XPNPEP1: variants seen among roughly 807,000 people sequenced by gnomAD.
XPNPEP1 encodes the protein X-prolyl aminopeptidase 1, also known as xaa-Pro aminopeptidase 1.
XPNPEP1 carries 39 observed loss-of-function variants against 92.4 expected under a neutral mutation model. The observed-to-expected ratio is 0.42, with a 90% confidence interval of 0.33 to 0.55. The LOEUF (loss-of-function observed/expected upper bound fraction) is 0.55. Among genes scored for constraint, XPNPEP1 ranks in the 20% least tolerant of loss-of-function variants. The probability of loss-of-function intolerance (pLI) is 0.08; values close to 1 mark genes in which losing one functional copy is unlikely to be tolerated. For synonymous variants in XPNPEP1, 307 were observed against 299.4 expected (o/e 1.03, Z -0.26); for missense variants, 654 against 856.1 (o/e 0.76, Z 2.95).
At chr10:109,869,481 T>G (rs1255182873) in intron 19 of XPNPEP1, among the ~76,000 whole-genome samples, 1 of 152,142 alleles carries the variant, frequency 6.6e-6, no homozygotes, top group African/African-American at 2.4e-5. Context: ...CTTTACCTAA[T>G]AAAAGTCACC....
rs1250478234 is a variant in XPNPEP1 at position 109,919,134 on chromosome 10, G to A, written c.33-4035C>T. ...AAGCACAGCAACAAAAGAAAAAAGA[G>A]ATACACTGGACTTCATCAGAATTTA... On this transcript the variant is annotated intron_variant, in intron 1 of 20. Coordinates refer to ENST00000502935, the MANE Select transcript of XPNPEP1 (RefSeq NM_020383.4). Among the ~76,000 whole-genome samples the A allele has an allele frequency of 1.3e-5, 2 of 152,162 alleles. 1 individual carries two copies. The highest frequency in any genetic ancestry group is 3.8e-4 in the East Asian group (2 of 5,196).
intron 3 of XPNPEP1, among the ~76,000 whole-genome samples, chr10:109,895,898 AC>A: frequency 1.3e-5 from 2 of 152,226 alleles, no homozygotes; most frequent in South Asian, 4.1e-4. Flanking sequence ...CATGTTAGCA[AC>A]CTCCTTAAAA....
chr10:109,898,633 A>G (rs1469044787), intron 3 of XPNPEP1, among the ~76,000 whole-genome samples: 1 of 152,260 alleles, frequency 6.6e-6, no homozygotes, highest in Non-Finnish European at 1.5e-5. Context: ...ACACCCAATT[A>G]GCCTAATGGC....
intron 1 of XPNPEP1, chr10:109,923,150 T>C (rs2133599963): frequency 1.0e-6 from 1 of 984,684 alleles, no homozygotes; most frequent in Non-Finnish European, 1.2e-6. Flanking sequence ...TCCGCGGGCA[T>C]ACGCGTCCAG....
chr10:109,888,520 G>T lies in XPNPEP1; in HGVS notation c.491C>A (p.Pro164His). 6.2e-7 allele frequency: 1 copy of T among 1,611,054 alleles called. No homozygotes were observed. The highest frequency in any genetic ancestry group is 8.5e-7 in the Non-Finnish European group (1 of 1,178,472). The stretch of plus-strand genomic sequence containing the variant: ...TCACTTACCTGTAGGAATGATCAAG[G>T]GGTCCACACCAACCCTGGATCCTTC... ...LPEGSRVGVD[P>H]LIIPTDYWKK... The change falls in exon 6 of 21, where the codon CCC (proline) becomes CAC (histidine). Residue 164 changes from proline (P) to histidine (H), a missense_variant. Transcript: ENST00000502935.
At chr10:109,890,612 GA>G (rs1848655192) in intron 5 of XPNPEP1, among the ~76,000 whole-genome samples, 1 of 151,824 alleles carries the variant, frequency 6.6e-6, no homozygotes, top group African/African-American at 2.4e-5. Flanking sequence ...GAGAGAGAGA[GA>G]GAGAGAGAGA....
intron 2 of XPNPEP1, among the ~76,000 whole-genome samples, chr10:109,914,085 T>TA (rs11311514): frequency 6.5e-4 from 95 of 145,666 alleles, no homozygotes; most frequent in East Asian, 9.9e-4. Flanking sequence ...TTCAGTCAGC[T>TA]AAAAAAAAAA....
intron 20 of XPNPEP1, among the ~76,000 whole-genome samples, chr10:109,866,835 A>G (rs755175662): frequency 3.9e-5 from 6 of 152,280 alleles, no homozygotes; most frequent in Non-Finnish European, 8.8e-5. Flanking sequence ...TAACTGGCCG[A>G]AAGAATAGTT....
chr10:109,894,821 T>A (rs1185400182), intron 3 of XPNPEP1, among the ~76,000 whole-genome samples: 1 of 152,308 alleles, frequency 6.6e-6, no homozygotes, highest in East Asian at 1.9e-4. Context: ...TCCTAAAGCA[T>A]AAAGAACATT....
chr10:109,917,443 C>T (rs10466193), intron 1 of XPNPEP1, among the ~76,000 whole-genome samples: 83,308 of 151,962 alleles, frequency 0.55, 24,999 homozygotes, highest in East Asian at 0.77. Context: ...ATGTACACCA[C>T]AAAAACTAAA....
intron 3 of XPNPEP1, among the ~76,000 whole-genome samples, chr10:109,904,799 GT>G (rs1849467159): frequency 6.6e-6 from 1 of 152,202 alleles, no homozygotes; most frequent in Admixed American, 6.5e-5. Context: ...GGAATGCTGT[GT>G]ACCATTGGTG....
At chr10:109,905,767 C>G (rs1309955184) in intron 3 of XPNPEP1, among the ~76,000 whole-genome samples, 1 of 152,178 alleles carries the variant, frequency 6.6e-6, no homozygotes, top group Non-Finnish European at 1.5e-5. Flanking sequence ...ACTATTTTCT[C>G]AACTAACAAA....
chr10:109,878,298 C>T (rs1372475578), intron 12 of XPNPEP1: 1 of 465,488 alleles, frequency 2.1e-6, no homozygotes, highest in African/African-American at 1.9e-5. Flanking sequence ...GTATTTTATC[C>T]TAAAACCTCC....
At chr10:109,865,518 G>A (rs1847090046) in intron 20 of XPNPEP1, among the ~76,000 whole-genome samples, 1 of 152,222 alleles carries the variant, frequency 6.6e-6, no homozygotes, top group South Asian at 2.1e-4. Context: ...ATGGCTTCTG[G>A]TGAAAAGGCT....
At chr10:109,894,033 G>C (rs1848844501) in intron 3 of XPNPEP1, 1 of 152,264 alleles carries the variant, frequency 6.6e-6, no homozygotes, top group Non-Finnish European at 1.5e-5. Context: ...TAGTAGGTCA[G>C]GATCCAAAGC....
At chr10:109,908,600 C>CA (rs766909270) in intron 2 of XPNPEP1, among the ~76,000 whole-genome samples, 1 of 151,880 alleles carries the variant, frequency 6.6e-6, no homozygotes, top group Non-Finnish European at 1.5e-5. Context: ...GACTCCGTCT[C>CA]AAAAAACAAA....
intron 12 of XPNPEP1, among the ~76,000 whole-genome samples, chr10:109,879,080 A>G (rs1019703109): frequency 1.4e-5 from 2 of 143,294 alleles, no homozygotes; most frequent in African/African-American, 5.2e-5. Context: ...GTCTCTACTA[A>G]AAATACAAAA....
intron 3 of XPNPEP1, among the ~76,000 whole-genome samples, chr10:109,896,985 T>C (rs1350108234): frequency 1.3e-5 from 2 of 152,198 alleles, no homozygotes; most frequent in African/African-American, 4.8e-5. Flanking sequence ...ATAGCAGTGA[T>C]AGGAAACTAA....
At chr10:109,902,364 A>G (rs1849331512) in intron 3 of XPNPEP1, among the ~76,000 whole-genome samples, 2 of 152,248 alleles carry the variant, frequency 1.3e-5, no homozygotes, top group South Asian at 4.1e-4. Flanking sequence ...GAATGCAGAA[A>G]CTGAGACCCA....
Sources: allele counts gnomAD v4.1 joint callset (sites outside exome capture counted in the v4.1 genomes callset), GRCh38; gene constraint gnomAD v4.1.1; transcripts MANE v1.5; gene names NCBI Gene and HGNC (gene_info 2026-07-23, HGNC 2026-07-21).